Variants in ROBO1 observed in about 807,000 individuals in gnomAD.
ROBO1 encodes roundabout guidance receptor 1, also known as roundabout homolog 1.
A neutral mutation model predicts 195.9 loss-of-function variants in ROBO1; 149 were observed. The ratio of observed to expected loss-of-function variants is 0.76; its 90% CI spans 0.67 to 0.87. ROBO1 has a LOEUF of 0.87. ROBO1 is among the 40% of genes least tolerant of loss of function. The pLI is 0.00. For synonymous variants in ROBO1, 816 were observed against 733.2 expected (o/e 1.11, Z -1.82); for missense variants, 1,933 against 2,068.3 (o/e 0.93, Z 1.27).
intron 4 of ROBO1, among the ~76,000 whole-genome samples, chr3:78,813,239 C>T (rs1019119751): frequency 3.0e-5 from 1 of 33,482 alleles, no homozygotes; most frequent in Non-Finnish European, 6.7e-5. Context: ...AGAAGTTTTA[C>T]ATGCACACAC....
chr3:79,188,089 C>G (rs1029675404), intron 2 of ROBO1, among the ~76,000 whole-genome samples: 1 of 151,910 alleles, frequency 6.6e-6, no homozygotes, highest in South Asian at 2.1e-4. Context: ...TAGAAATCAG[C>G]CAGTCCTAAA....
intron 2 of ROBO1, among the ~76,000 whole-genome samples, chr3:79,466,569 A>C (rs1937970199): frequency 6.6e-6 from 1 of 152,146 alleles, no homozygotes; most frequent in Non-Finnish European, 1.5e-5. Flanking sequence ...ATCTAGAGGC[A>C]AGGAGCCTGA....
intron 1 of ROBO1, among the ~76,000 whole-genome samples, chr3:79,664,480 A>G (rs1252708537): frequency 2.0e-5 from 3 of 152,016 alleles, no homozygotes; most frequent in Non-Finnish European, 4.4e-5. Context: ...CTTGTCCTAC[A>G]TCTTCCCCTC....
chr3:78,742,787 C>T (rs116600192), intron 5 of ROBO1, among the ~76,000 whole-genome samples: 1,960 of 152,250 alleles, frequency 0.013, 16 homozygotes, highest in Non-Finnish European at 0.021. Flanking sequence ...TAGGTTTTTA[C>T]AACTTTAAAC....
At chr3:79,438,362 A>G (rs1408615978) in intron 2 of ROBO1, among the ~76,000 whole-genome samples, 1 of 151,980 alleles carries the variant, frequency 6.6e-6, no homozygotes, top group African/African-American at 2.4e-5. Flanking sequence ...ATTACCAAAA[A>G]AAGTCATAAC....
chr3:79,236,188 A>G (rs2082404094), intron 2 of ROBO1, among the ~76,000 whole-genome samples: 1 of 152,174 alleles, frequency 6.6e-6, no homozygotes, highest in Admixed American at 6.5e-5. Context: ...AAACTAATAA[A>G]AATGAAATAA....
intron 2 of ROBO1, among the ~76,000 whole-genome samples, chr3:79,230,798 C>T (rs910056174): frequency 6.6e-6 from 1 of 152,134 alleles, no homozygotes; most frequent in African/African-American, 2.4e-5. Context: ...CTGGAGGCAT[C>T]ATGCTACCCA....
chr3:78,745,764 T>C lies in ROBO1; in HGVS notation c.657+979A>G, dbSNP rs147595720. Among the ~76,000 whole-genome samples the C allele has an allele frequency of 3.0e-3, 454 of 152,340 alleles. 6 individuals are homozygous for C. The highest frequency in any genetic ancestry group is 0.01 in the African/African-American group (416 of 41,590). The stretch of plus-strand genomic sequence containing the variant: ...CATGAAAATAAAATGCTTAATTTTC[T>C]TTCAAGGTCTCTAACACCTGGTCTA... On this transcript the variant is annotated intron_variant, in intron 5 of 30. Coordinates refer to ENST00000464233, the MANE Select transcript of ROBO1 (RefSeq NM_002941.4).
At chr3:79,763,252 AAT>A (rs1704809012) in intron 1 of ROBO1, among the ~76,000 whole-genome samples, 3 of 91,960 alleles carry the variant, frequency 3.3e-5, no homozygotes, top group African/African-American at 1.5e-4. Flanking sequence ...AGTGCGAAAA[AAT>A]AATAAGGGCA....
Position 78,617,793 on chromosome 3 carries a change from C to A in ROBO1, c.4124G>T (p.Gly1375Val), listed in dbSNP as rs1296110339. 2.5e-6 allele frequency: 4 copies of A among 1,613,780 alleles called. No homozygotes were observed. The South Asian group carries it at 4.4e-5, about 18-fold the overall frequency. The change falls in exon 27 of 31, where the codon GGC becomes GTC. Residue 1375 changes from glycine (G) to valine (V), a missense_variant. Physicochemically the swap from Gly to Val is moderately radical, Grantham distance 109. Transcript: ENST00000464233. ...AATGTTGTCCTCCTCTGAGGCTGAG[C>A]CCCAGCCGTTGATCATGGACCCCGT... ...SVTGSMINGW[G>V]SASEEDNISS...
At chr3:78,841,827 C>T (rs1340663543) in intron 4 of ROBO1, among the ~76,000 whole-genome samples, 1 of 151,948 alleles carries the variant, frequency 6.6e-6, no homozygotes, top group African/African-American at 2.4e-5. Flanking sequence ...TTTTCTAAAA[C>T]AAACTATTTT....
chr3:79,352,653 C>A (rs916396023), intron 2 of ROBO1, among the ~76,000 whole-genome samples: 1 of 152,176 alleles, frequency 6.6e-6, no homozygotes, highest in Non-Finnish European at 1.5e-5. Flanking sequence ...TCTACTCACA[C>A]TCTGTTCCCT....
chr3:79,543,580 C>T (rs1201757500), intron 2 of ROBO1, among the ~76,000 whole-genome samples: 1 of 152,060 alleles, frequency 6.6e-6, no homozygotes, highest in Non-Finnish European at 1.5e-5. Context: ...TAACATGTCA[C>T]TAAATTGATT....
intron 2 of ROBO1, among the ~76,000 whole-genome samples, chr3:79,276,418 C>T (rs529615624): frequency 1.1e-4 from 17 of 152,048 alleles, no homozygotes; most frequent in African/African-American, 3.9e-4. Flanking sequence ...TATCCATATG[C>T]AGAAGAATGA....
At chr3:79,055,892 G>T (rs1452007008) in intron 3 of ROBO1, among the ~76,000 whole-genome samples, 1 of 152,096 alleles carries the variant, frequency 6.6e-6, no homozygotes, top group East Asian at 1.9e-4. Context: ...AAAAACTGGA[G>T]GTTTTCACTC....
At chr3:78,692,740 C>T (rs2081203222) in intron 8 of ROBO1, 1 of 152,034 alleles carries the variant, frequency 6.6e-6, no homozygotes, top group South Asian at 2.1e-4. Flanking sequence ...AACTTGATGG[C>T]TTATTTATTT....
At chr3:79,599,087 T>C (rs932669669) in intron 1 of ROBO1, among the ~76,000 whole-genome samples, 5 of 152,080 alleles carry the variant, frequency 3.3e-5, no homozygotes, top group African/African-American at 1.2e-4. Context: ...GGTTTTACTG[T>C]ATTATCATCT....
intron 5 of ROBO1, among the ~76,000 whole-genome samples, chr3:78,730,084 A>G (rs75406384): frequency 0.024 from 3,696 of 152,332 alleles, 127 homozygotes; most frequent in African/African-American, 0.077. Context: ...ACTATACTCT[A>G]GAAATAAAGA....
intron 1 of ROBO1, among the ~76,000 whole-genome samples, chr3:79,700,688 G>A (rs1302599898): frequency 6.6e-6 from 1 of 151,654 alleles, no homozygotes; most frequent in Non-Finnish European, 1.5e-5. Flanking sequence ...AAAAGTGCCT[G>A]TTAGTGTCTT....
Sources: gnomAD v4.1 joint callset for allele counts (sites outside exome capture counted in the v4.1 genomes callset) on GRCh38, gnomAD v4.1.1 for gene constraint, MANE v1.5 for transcripts, NCBI Gene and HGNC (gene_info 2026-07-23, HGNC 2026-07-21) for gene names.